CNTNAP2: variants seen among roughly 807,000 people sequenced by gnomAD.
The protein encoded by CNTNAP2 is contactin-associated protein-like 2.
In CNTNAP2, 98 loss-of-function variants were observed where a neutral mutation model predicts 155.2. That is an observed-to-expected ratio of 0.63 (90% CI 0.54 to 0.75). CNTNAP2 has a LOEUF of 0.75. Among genes scored for constraint, CNTNAP2 ranks in the 30% least tolerant of loss-of-function variants. The probability of loss-of-function intolerance (pLI) is 0.00; values close to 1 mark genes in which losing one functional copy is unlikely to be tolerated. For missense variants in CNTNAP2, 1,727 were observed against 1,688.1 expected (o/e 1.02, Z -0.40); for synonymous variants, 651 against 631.2 (o/e 1.03, Z -0.47).
chr7:147,251,385 TATCTTG>T lies in CNTNAP2; in HGVS notation c.1349-48753_1349-48748del, dbSNP rs151104360. On this transcript the variant is annotated intron_variant, in intron 8 of 23. Coordinates refer to ENST00000361727, the MANE Select transcript of CNTNAP2 (RefSeq NM_014141.6). ...GTTAACCCTTTTTTCCTATCTCCTTTATCTTGATGTTAAATGTTACTTTGTTGTGGA... is the reference window on the plus strand; with the variant it reads ...GTTAACCCTTTTTTCCTATCTCCTTTATGTTAAATGTTACTTTGTTGTGGA... 5.1e-3 allele frequency among the ~76,000 whole-genome samples: 784 copies of T among 152,298 alleles called. 14 individuals carry two copies. Among genetic ancestry groups the T allele is most frequent in the African/African-American group, 0.018 (749 of 41,548 alleles).
intron 1 of CNTNAP2, among the ~76,000 whole-genome samples, chr7:146,247,063 C>T (rs1034367356): frequency 1.8e-4 from 28 of 152,004 alleles, no homozygotes; most frequent in Admixed American, 7.2e-4. Flanking sequence ...TATTTAATGT[C>T]GGGAGCAGAC....
chr7:147,576,824 T>TA (rs1800404410), intron 12 of CNTNAP2, among the ~76,000 whole-genome samples: 2 of 152,054 alleles, frequency 1.3e-5, no homozygotes. Flanking sequence ...TATCTACCTC[T>TA]AAAATCTGTT....
At position 148,057,108 on chromosome 7, in the gene CNTNAP2, C is replaced by T. The variant is rs755106139; in HGVS notation, c.2384-61010C>T. On this transcript the variant is annotated intron_variant, in intron 15 of 23. Coordinates refer to ENST00000361727, the MANE Select transcript of CNTNAP2 (RefSeq NM_014141.6). ...AGGCTTGAGTGGTATTCACAGCCCT[C>T]GGTGCAGTCACTTCCATACATAAGA... 1.1e-4 allele frequency among the ~76,000 whole-genome samples: 17 copies of T among 152,254 alleles called. No individual in the cohort carries two copies. In the East Asian group the frequency reaches 2.1e-3, roughly 19 times the overall value.
chr7:147,085,070 AT>A (rs1185238251), intron 4 of CNTNAP2, among the ~76,000 whole-genome samples: 1 of 152,042 alleles, frequency 6.6e-6, no homozygotes, highest in Non-Finnish European at 1.5e-5. Context: ...TTAGAAAAGC[AT>A]TTTTTGTTGT....
intron 15 of CNTNAP2, among the ~76,000 whole-genome samples, chr7:148,021,131 G>A (rs1460788113): frequency 6.6e-6 from 1 of 152,218 alleles, no homozygotes; most frequent in Non-Finnish European, 1.5e-5. Context: ...ATGGCAATAT[G>A]ATTGGACAAG....
Position 146,863,429 on chromosome 7 carries a change from A to G in CNTNAP2, c.402+23525A>G, listed in dbSNP as rs763391941. ...ATCCAAGATAAGAGGTATGTCTTTC[A>G]TATGACTCTATGCTTTAATTATAAC... On this transcript the variant is annotated intron_variant, in intron 3 of 23. Coordinates refer to ENST00000361727, the MANE Select transcript of CNTNAP2 (RefSeq NM_014141.6). Among the ~76,000 whole-genome samples, 7 of 152,150 alleles carry G rather than the reference A, an allele frequency of 4.6e-5. No individual in the cohort carries two copies. In the South Asian group the frequency reaches 1.4e-3, roughly 32 times the overall value.
intron 8 of CNTNAP2, among the ~76,000 whole-genome samples, chr7:147,264,063 T>C (rs1216080944): frequency 6.6e-6 from 1 of 152,220 alleles, no homozygotes; most frequent in Admixed American, 6.5e-5. Context: ...GTGTTTGCTT[T>C]ATTTGACTGC....
intron 8 of CNTNAP2, among the ~76,000 whole-genome samples, chr7:147,227,050 G>A (rs1292387684): frequency 6.6e-6 from 1 of 152,188 alleles, no homozygotes; most frequent in Non-Finnish European, 1.5e-5. Context: ...AGGAAGGGGA[G>A]TGAAATATAC....
chr7:148,050,086 C>A (rs1563180905), intron 15 of CNTNAP2, among the ~76,000 whole-genome samples: 1 of 152,108 alleles, frequency 6.6e-6, no homozygotes, highest in African/African-American at 2.4e-5. Flanking sequence ...CACTTGAGCC[C>A]GGGAGGCAGT....
At chr7:147,757,758 T>C (rs917235354) in intron 13 of CNTNAP2, among the ~76,000 whole-genome samples, 2 of 152,200 alleles carry the variant, frequency 1.3e-5, no homozygotes, top group Non-Finnish European at 2.9e-5. Context: ...TTATACCTGA[T>C]GGACCAAGAG....
chr7:147,215,275 T>C (rs767417229), intron 8 of CNTNAP2, among the ~76,000 whole-genome samples: 5 of 152,152 alleles, frequency 3.3e-5, no homozygotes. Flanking sequence ...TTGACAAATA[T>C]ATAATGAAAT....
intron 1 of CNTNAP2, among the ~76,000 whole-genome samples, chr7:146,394,667 A>G (rs928950232): frequency 6.6e-5 from 10 of 152,112 alleles, no homozygotes; most frequent in Non-Finnish European, 1.3e-4. Flanking sequence ...ATCATTTATT[A>G]TATGTATTAC....
chr7:147,105,133 CAAAT>C (rs890553526), intron 4 of CNTNAP2, among the ~76,000 whole-genome samples: 9 of 151,114 alleles, frequency 6.0e-5, no homozygotes, highest in Non-Finnish European at 1.0e-4. Flanking sequence ...ATTAAAATAT[CAAAT>C]AAACTTAAAA....
Position 147,525,716 on chromosome 7 carries a change from A to G in CNTNAP2, c.1778-36422A>G, listed in dbSNP as rs577300579. Among the ~76,000 whole-genome samples, 184 of 152,362 alleles carry G rather than the reference A, an allele frequency of 1.2e-3. 1 individual carries two copies. The highest frequency in any genetic ancestry group is 3.4e-3 in the Middle Eastern group (1 of 294). ...GGAAGATTATGTTAAGAAGCCATAC[A>G]TAGGGAAAAAATAAATTCTCTCGGA... is the stretch of plus-strand genomic sequence containing the variant. On this transcript the variant is annotated intron_variant, in intron 11 of 23. Coordinates refer to ENST00000361727, the MANE Select transcript of CNTNAP2 (RefSeq NM_014141.6).
At chr7:146,163,921 T>C (rs565367498) in intron 1 of CNTNAP2, among the ~76,000 whole-genome samples, 1 of 152,256 alleles carries the variant, frequency 6.6e-6, no homozygotes, top group South Asian at 2.1e-4. Context: ...TTCAGACTGA[T>C]GGTTCGGAAT....
chr7:147,151,283 GAAAATGTTAAGTA>G (rs888023448), intron 8 of CNTNAP2, among the ~76,000 whole-genome samples: 7 of 152,196 alleles, frequency 4.6e-5, no homozygotes, highest in Non-Finnish European at 1.0e-4. Context: ...CAAAGCCAGG[GAAAATGTTAAGTA>G]AACCCAACGC....
intron 13 of CNTNAP2, among the ~76,000 whole-genome samples, chr7:147,722,051 G>A (rs113756567): frequency 0.055 from 8,379 of 152,236 alleles, 431 homozygotes; most frequent in Admixed American, 0.18. Flanking sequence ...AATGAAAACA[G>A]AGGTACCAAA....
At chr7:147,060,721 A>G (rs1016390530) in intron 4 of CNTNAP2, among the ~76,000 whole-genome samples, 14 of 152,182 alleles carry the variant, frequency 9.2e-5, no homozygotes, top group Admixed American at 2.0e-4. Context: ...AAAATTAGCC[A>G]GGCGTGGTGG....
Position 147,132,378 on chromosome 7 carries a change from C to T in CNTNAP2, c.1217C>T (p.Pro406Leu). ...AGTTTCCAGTTTAGGACATGGAACC[C>T]CAATGGTCTCCTGGTCTTCAGTCAC... ...SVSFQFRTWN[P>L]NGLLVFSHFA... is the part of the protein sequence containing the mutation. Residue 406 changes from proline (P) to leucine (L), a missense_variant, in exon 8 of 24, where the codon CCC (proline) becomes CTC (leucine). Coordinates refer to ENST00000361727, the MANE Select transcript of CNTNAP2 (RefSeq NM_014141.6). 6.2e-7 allele frequency: 1 copy of T among 1,613,588 alleles called. No homozygotes were observed. The highest frequency in any genetic ancestry group is 2.2e-5 in the East Asian group (1 of 44,844).
Sources: gnomAD v4.1 joint callset for allele counts (sites outside exome capture counted in the v4.1 genomes callset) on GRCh38, gnomAD v4.1.1 for gene constraint, MANE v1.5 for transcripts, NCBI Gene and HGNC (gene_info 2026-07-23, HGNC 2026-07-21) for gene names.